BABAM2: variants seen among roughly 807,000 people sequenced by gnomAD.
BABAM2 encodes BRISC and BRCA1 A complex member 2, also known as BRISC and BRCA1-A complex member 2.
Under a neutral mutation model 54.7 loss-of-function variants are expected in BABAM2, and 31 were observed. The ratio of observed to expected loss-of-function variants is 0.57; its 90% CI spans 0.43 to 0.77. The LOEUF (loss-of-function observed/expected upper bound fraction) is 0.77. Ranked by LOEUF, BABAM2 falls within the 30% of genes least tolerant of loss-of-function variation. The pLI is 0.00. For synonymous variants in BABAM2, 167 were observed against 162.9 expected (o/e 1.03, Z -0.19); for missense variants, 364 against 455.8 (o/e 0.80, Z 1.83).
chr2:28,302,489 T>G (rs1688187983), intron 11 of BABAM2, among the ~76,000 whole-genome samples: 1 of 152,206 alleles, frequency 6.6e-6, no homozygotes, highest in African/African-American at 2.4e-5. Context: ...TATATGAATA[T>G]AATGTATTAA....
intron 3 of BABAM2, among the ~76,000 whole-genome samples, chr2:27,931,842 C>T (rs1169273323): frequency 6.6e-6 from 1 of 151,800 alleles, no homozygotes; most frequent in Admixed American, 6.6e-5. Flanking sequence ...TATATTAGCC[C>T]CTGCCCTTCC....
chr2:28,222,177 T>G (rs1680478893), intron 7 of BABAM2, among the ~76,000 whole-genome samples: 2 of 152,266 alleles, frequency 1.3e-5, no homozygotes, highest in Admixed American at 1.3e-4. Flanking sequence ...TCTAAGACTC[T>G]AAATGCCTAC....
intron 6 of BABAM2, among the ~76,000 whole-genome samples, chr2:28,077,018 C>T (rs1269530492): frequency 6.6e-6 from 1 of 152,114 alleles, no homozygotes; most frequent in Non-Finnish European, 1.5e-5. Flanking sequence ...CTTAGAAAAT[C>T]TGTAAATATT....
intron 5 of BABAM2, among the ~76,000 whole-genome samples, chr2:28,041,904 C>A (rs1241298226): frequency 6.6e-6 from 1 of 152,086 alleles, no homozygotes; most frequent in African/African-American, 2.4e-5. Context: ...GAGTTAGGGG[C>A]AATTGCAGTT....
At chr2:28,273,547 C>T (rs1465440946) in intron 10 of BABAM2, among the ~76,000 whole-genome samples, 4 of 152,028 alleles carry the variant, frequency 2.6e-5, no homozygotes, top group South Asian at 2.1e-4. Flanking sequence ...AGTGAAACCC[C>T]GTGTCTACTA....
intron 7 of BABAM2, among the ~76,000 whole-genome samples, chr2:28,233,576 A>T (rs1408890470): frequency 6.6e-6 from 1 of 152,230 alleles, no homozygotes; most frequent in African/African-American, 2.4e-5. Flanking sequence ...TTTATACATG[A>T]ATCAGCAGCA....
chr2:27,981,337 A>C (rs554697291), intron 3 of BABAM2, among the ~76,000 whole-genome samples: 1 of 152,310 alleles, frequency 6.6e-6, no homozygotes, highest in East Asian at 1.9e-4. Context: ...TGAGATTAAA[A>C]ATAAAAACAG....
At position 27,959,887 on chromosome 2, in the gene BABAM2, G is replaced by A. The variant is rs76239779; in HGVS notation, c.206-28106G>A. On this transcript the variant is annotated intron_variant, in intron 3 of 11. Coordinates refer to ENST00000379624, the MANE Select transcript of BABAM2 (RefSeq NM_199191.3). ...GGCTAGAGCTTGTGTGTCTTTAACC[G>A]TTTTTACTCTGGTCATAGTTTTATT... is the stretch of plus-strand genomic sequence containing the variant. 5.9e-3 allele frequency among the ~76,000 whole-genome samples: 887 copies of A among 151,386 alleles called. 11 individuals carry two copies. The highest frequency in any genetic ancestry group is 0.02 in the African/African-American group (841 of 41,188).
intron 6 of BABAM2, among the ~76,000 whole-genome samples, chr2:28,055,558 G>A (rs1274732067): frequency 6.6e-6 from 1 of 152,006 alleles, no homozygotes; most frequent in Non-Finnish European, 1.5e-5. Flanking sequence ...ATGATTTATG[G>A]TAATTCTGAC....
chr2:28,216,964 C>T (rs1182624746), intron 7 of BABAM2, among the ~76,000 whole-genome samples: 1 of 152,194 alleles, frequency 6.6e-6, no homozygotes, highest in Non-Finnish European at 1.5e-5. Context: ...AAGGTCATTT[C>T]TCCACCTCTT....
At chr2:28,174,635 C>G (rs890996513) in intron 7 of BABAM2, among the ~76,000 whole-genome samples, 6 of 152,176 alleles carry the variant, frequency 3.9e-5, no homozygotes, top group African/African-American at 1.4e-4. Flanking sequence ...TCCTGCAATC[C>G]CAGCCATGGG....
intron 4 of BABAM2, among the ~76,000 whole-genome samples, chr2:28,011,684 A>G (rs1353363187): frequency 2.0e-5 from 3 of 152,198 alleles, no homozygotes; most frequent in Non-Finnish European, 4.4e-5. Context: ...GAGCCTGCAG[A>G]TGTTTCTCCA....
At chr2:28,086,694 T>C (rs1665671289) in intron 6 of BABAM2, among the ~76,000 whole-genome samples, 1 of 152,220 alleles carries the variant, frequency 6.6e-6, no homozygotes, top group South Asian at 2.1e-4. Flanking sequence ...GAAATAACAA[T>C]GTAAGAACTT....
At chr2:28,252,140 C>T (rs930539830) in intron 10 of BABAM2, among the ~76,000 whole-genome samples, 3 of 150,568 alleles carry the variant, frequency 2.0e-5, no homozygotes, top group Admixed American at 6.6e-5. Flanking sequence ...GAGCCGAGAA[C>T]GTGCCGTTGC....
intron 2 of BABAM2, among the ~76,000 whole-genome samples, chr2:27,916,730 C>G (rs994439821): frequency 6.6e-5 from 10 of 152,190 alleles, no homozygotes; most frequent in Non-Finnish European, 1.5e-4. Context: ...TTGGCCAGAT[C>G]CTATGCATTC....
intron 6 of BABAM2, among the ~76,000 whole-genome samples, chr2:28,086,919 A>T (rs546200379): frequency 6.6e-6 from 1 of 152,314 alleles, no homozygotes; most frequent in Non-Finnish European, 1.5e-5. Context: ...CATTTATCTC[A>T]TCTTGGTTTT....
chr2:28,224,119 C>G (rs1359626687), intron 7 of BABAM2, among the ~76,000 whole-genome samples: 2 of 152,298 alleles, frequency 1.3e-5, no homozygotes, highest in African/African-American at 4.8e-5. Flanking sequence ...AAAATACTTA[C>G]CTTCAAACAG....
intron 4 of BABAM2, among the ~76,000 whole-genome samples, chr2:27,999,755 C>T (rs1431686586): frequency 3.3e-5 from 5 of 152,270 alleles, no homozygotes; most frequent in East Asian, 1.9e-4. Flanking sequence ...GAAATAGTTA[C>T]GAACTTCATG....
At chr2:28,293,291 G>T (rs888400691) in intron 10 of BABAM2, among the ~76,000 whole-genome samples, 1 of 152,124 alleles carries the variant, frequency 6.6e-6, no homozygotes, top group Admixed American at 6.5e-5. Context: ...TGAGGTGTTT[G>T]GAGAAGTGAG....
Sources: allele counts gnomAD v4.1 joint callset (sites outside exome capture counted in the v4.1 genomes callset), GRCh38; gene constraint gnomAD v4.1.1; transcripts MANE v1.5; gene names NCBI Gene and HGNC (gene_info 2026-07-23, HGNC 2026-07-21).